RBFOX1: variants seen among roughly 807,000 people sequenced by gnomAD.
RBFOX1 encodes the protein RNA binding fox-1 homolog 1, also known as RNA binding protein fox-1 homolog 1.
RBFOX1 carries 8 observed loss-of-function variants against 57.7 expected under a neutral mutation model. The ratio of observed to expected loss-of-function variants is 0.14; its 90% CI spans 0.08 to 0.25. The LOEUF (loss-of-function observed/expected upper bound fraction) is 0.25, where lower values mean the gene tolerates loss of function less well. Among genes scored for constraint, RBFOX1 ranks in the 10% least tolerant of loss-of-function variants. The probability of loss-of-function intolerance (pLI) is 1.00; values close to 1 mark genes in which losing one functional copy is unlikely to be tolerated. For synonymous variants in RBFOX1, 326 were observed against 222.4 expected (o/e 1.47, Z -4.15); for missense variants, 611 against 548.5 (o/e 1.11, Z -1.14).
intron 4 of RBFOX1, among the ~76,000 whole-genome samples, chr16:7,238,972 T>A (rs931569348): frequency 1.2e-4 from 19 of 152,228 alleles, no homozygotes; most frequent in African/African-American, 4.6e-4. Context: ...GGACATGATC[T>A]TGTTCTTTTT....
At chr16:5,675,998 A>G (rs1464506714) in intron 3 of RBFOX1, among the ~76,000 whole-genome samples, 1 of 152,118 alleles carries the variant, frequency 6.6e-6, no homozygotes, top group Non-Finnish European at 1.5e-5. Context: ...AAAAGAAGGC[A>G]TCGCATGTTC....
At chr16:7,666,480 A>ATTATTG (rs2069320002) in intron 13 of RBFOX1, among the ~76,000 whole-genome samples, 1 of 152,186 alleles carries the variant, frequency 6.6e-6, no homozygotes, top group African/African-American at 2.4e-5. Context: ...AGTTTCTTCA[A>ATTATTG]ACTGACAATA....
At chr16:6,719,811 G>A (rs1400656685) in intron 3 of RBFOX1, among the ~76,000 whole-genome samples, 2 of 152,016 alleles carry the variant, frequency 1.3e-5, no homozygotes, top group Admixed American at 1.3e-4. Flanking sequence ...ACATAATGGA[G>A]CCCGGGCATG....
chr16:6,543,979 G>A (rs575251011), intron 2 of RBFOX1, among the ~76,000 whole-genome samples: 2 of 152,286 alleles, frequency 1.3e-5, no homozygotes, highest in South Asian at 4.1e-4. Flanking sequence ...ATAAAGAGGA[G>A]AAATGTTGAA....
intron 3 of RBFOX1, among the ~76,000 whole-genome samples, chr16:6,914,817 G>C (rs1027524316): frequency 6.6e-6 from 1 of 152,194 alleles, no homozygotes; most frequent in Non-Finnish European, 1.5e-5. Context: ...AAGCCCAGGA[G>C]TTCAAGGCTG....
intron 2 of RBFOX1, among the ~76,000 whole-genome samples, chr16:6,653,170 C>T (rs1212154073): frequency 6.6e-6 from 1 of 152,120 alleles, no homozygotes; most frequent in Non-Finnish European, 1.5e-5. Context: ...AGCCTTTTCT[C>T]AATTGCCACT....
At chr16:7,084,257 T>C (rs902135606) in intron 4 of RBFOX1, among the ~76,000 whole-genome samples, 3 of 152,116 alleles carry the variant, frequency 2.0e-5, no homozygotes, top group African/African-American at 7.2e-5. Flanking sequence ...TATGTGTGTG[T>C]GTGTATAGAG....
chr16:5,600,703 G>C (rs190048424), downstream of RBFOX1, among the ~76,000 whole-genome samples: 102 of 152,060 alleles, frequency 6.7e-4, no homozygotes, highest in African/African-American at 2.3e-3. Flanking sequence ...TTCCAGGCTG[G>C]ATTTTTATAA....
intron 3 of RBFOX1, among the ~76,000 whole-genome samples, chr16:6,988,055 C>T (rs889583116): frequency 3.4e-4 from 51 of 152,030 alleles, no homozygotes; most frequent in African/African-American, 1.2e-3. Context: ...TATTAGTTAC[C>T]CCACATTCCA....
intron 4 of RBFOX1, among the ~76,000 whole-genome samples, chr16:7,133,394 C>G (rs1234611319): frequency 2.0e-5 from 3 of 152,120 alleles, no homozygotes; most frequent in African/African-American, 7.2e-5. Context: ...GGTTGAAGAT[C>G]ATTGCAATGG....
chr16:5,754,709 A>G (rs1384910194), intron 3 of RBFOX1, among the ~76,000 whole-genome samples: 11 of 61,440 alleles, frequency 1.8e-4, no homozygotes, highest in Non-Finnish European at 3.2e-4. Flanking sequence ...TTAGATATGC[A>G]TACACATAAA....
At chr16:5,943,822 C>A (rs1294852820) in intron 4 of RBFOX1, among the ~76,000 whole-genome samples, 1 of 152,178 alleles carries the variant, frequency 6.6e-6, no homozygotes, top group African/African-American at 2.4e-5. Flanking sequence ...CCCACTCACC[C>A]ATCCATCGAC....
At chr16:6,973,570 C>T (rs957022797) in intron 3 of RBFOX1, among the ~76,000 whole-genome samples, 1 of 152,130 alleles carries the variant, frequency 6.6e-6, no homozygotes, top group Non-Finnish European at 1.5e-5. Context: ...TTATTTCTTT[C>T]TTCCCGAGGG....
chr16:6,678,215 C>G (rs11077065), intron 3 of RBFOX1, among the ~76,000 whole-genome samples: 102,351 of 151,720 alleles, frequency 0.67, 36,461 homozygotes, highest in East Asian at 0.81. Flanking sequence ...CCTCTGCCTC[C>G]TTGAGTTCAA....
chr16:6,970,560 A>T (rs1217382537), intron 3 of RBFOX1, among the ~76,000 whole-genome samples: 2 of 152,126 alleles, frequency 1.3e-5, no homozygotes, highest in Non-Finnish European at 2.9e-5. Flanking sequence ...CTGCCTTATA[A>T]CTGGTGCCCT....
At chr16:7,701,052 C>G (rs1296369272) in intron 14 of RBFOX1, among the ~76,000 whole-genome samples, 1 of 152,118 alleles carries the variant, frequency 6.6e-6, no homozygotes, top group Admixed American at 6.5e-5. Context: ...TGTGTTCCCT[C>G]CTACTTCTCA....
chr16:6,986,565 T>C (rs1047379417), intron 3 of RBFOX1, among the ~76,000 whole-genome samples: 3 of 152,172 alleles, frequency 2.0e-5, no homozygotes, highest in Non-Finnish European at 2.9e-5. Context: ...GTGCTGGGAT[T>C]GTAGGCATGA....
At chr16:5,722,449 T>C (rs981995569) in intron 3 of RBFOX1, among the ~76,000 whole-genome samples, 12 of 152,194 alleles carry the variant, frequency 7.9e-5, no homozygotes, top group African/African-American at 2.2e-4. Context: ...ACACATTTGC[T>C]GTAGAGAAAT....
intron 3 of RBFOX1, among the ~76,000 whole-genome samples, chr16:5,735,230 A>G (rs2052529228): frequency 6.6e-6 from 1 of 152,204 alleles, no homozygotes; most frequent in Admixed American, 6.5e-5. Context: ...GGAAGGGGTC[A>G]GGACCCTCCA....
Sources: allele counts gnomAD v4.1 joint callset (sites outside exome capture counted in the v4.1 genomes callset), GRCh38; gene constraint gnomAD v4.1.1; transcripts MANE v1.5; gene names NCBI Gene and HGNC (gene_info 2026-07-23, HGNC 2026-07-21).